MGAT4C: variants seen among roughly 807,000 people sequenced by gnomAD.
MGAT4C encodes the protein MGAT4 family member C.
MGAT4C carries 19 observed loss-of-function variants against 40.1 expected under a neutral mutation model. That is an observed-to-expected ratio of 0.47 (90% confidence interval 0.33 to 0.70). The LOEUF (loss-of-function observed/expected upper bound fraction) is 0.70, where lower values mean the gene tolerates loss of function less well. Ranked by LOEUF, MGAT4C falls within the 30% of genes least tolerant of loss-of-function variation. The pLI is 0.02. For missense variants in MGAT4C, 491 were observed against 563.2 expected, an observed-to-expected ratio of 0.87 and a Z score of 1.30; for synonymous variants, 181 against 187.1, an observed-to-expected ratio of 0.97 and a Z score of 0.27.
intron 3 of MGAT4C, among the ~76,000 whole-genome samples, chr12:86,346,825 A>G (rs1955044635): frequency 6.6e-6 from 1 of 152,198 alleles, no homozygotes; most frequent in South Asian, 2.1e-4. Flanking sequence ...GGTGGGCACC[A>G]TCCAACCGGC....
At chr12:86,726,994 C>T (rs1046413961) in intron 2 of MGAT4C, among the ~76,000 whole-genome samples, 1 of 152,052 alleles carries the variant, frequency 6.6e-6, no homozygotes, top group Non-Finnish European at 1.5e-5. Flanking sequence ...TTAACCCACC[C>T]TAAGTTAAAC....
At chr12:86,331,899 A>C (rs1191131185) in intron 4 of MGAT4C, among the ~76,000 whole-genome samples, 1 of 152,182 alleles carries the variant, frequency 6.6e-6, no homozygotes, top group African/African-American at 2.4e-5. Context: ...AAAACATAAA[A>C]AACACAAAAG....
At chr12:86,717,930 T>A (rs1326882318) in intron 2 of MGAT4C, among the ~76,000 whole-genome samples, 1 of 152,224 alleles carries the variant, frequency 6.6e-6, no homozygotes, top group Non-Finnish European at 1.5e-5. Context: ...TCTTCCAGGT[T>A]TCTTTTTCCC....
intron 2 of MGAT4C, among the ~76,000 whole-genome samples, chr12:86,490,540 A>G (rs960420520): frequency 5.9e-5 from 9 of 152,208 alleles, no homozygotes; most frequent in African/African-American, 2.2e-4. Context: ...ACCAGCTAAC[A>G]TCATAATGAC....
intron 2 of MGAT4C, among the ~76,000 whole-genome samples, chr12:86,042,563 A>T (rs1294930600): frequency 6.6e-6 from 1 of 152,114 alleles, no homozygotes; most frequent in Non-Finnish European, 1.5e-5. Flanking sequence ...TCCTTTGCTT[A>T]TGAAGATTAG....
chr12:86,359,943 T>C (rs1014997372), intron 3 of MGAT4C, among the ~76,000 whole-genome samples: 4 of 152,072 alleles, frequency 2.6e-5, no homozygotes, highest in Non-Finnish European at 5.9e-5. Context: ...CTATTCCAAT[T>C]AATAGATAAA....
intron 1 of MGAT4C, among the ~76,000 whole-genome samples, chr12:86,760,709 T>C (rs1176693984): frequency 6.6e-6 from 1 of 151,976 alleles, no homozygotes; most frequent in African/African-American, 2.4e-5. Flanking sequence ...AAAAGGGGAA[T>C]TCAATTGAAG....
chr12:86,611,496 A>AGATG (rs1555210997), intron 2 of MGAT4C, among the ~76,000 whole-genome samples: 2 of 151,836 alleles, frequency 1.3e-5, no homozygotes, highest in East Asian at 1.9e-4. Context: ...ATAGATAGAT[A>AGATG]GATACATGTT....
intron 1 of MGAT4C, among the ~76,000 whole-genome samples, chr12:86,071,902 G>A (rs981649305): frequency 6.6e-6 from 1 of 152,068 alleles, no homozygotes; most frequent in African/African-American, 2.4e-5. Context: ...CACCTTCAAT[G>A]TTTTGGTCAC....
chr12:86,429,803 T>C (rs1028422035), intron 3 of MGAT4C, among the ~76,000 whole-genome samples: 9 of 152,188 alleles, frequency 5.9e-5, no homozygotes, highest in Non-Finnish European at 8.8e-5. Context: ...TTTCTGTATC[T>C]GGTTATTGGC....
At chr12:86,705,006 G>A (rs536735942) in intron 2 of MGAT4C, among the ~76,000 whole-genome samples, 1 of 152,016 alleles carries the variant, frequency 6.6e-6, no homozygotes, top group Non-Finnish European at 1.5e-5. Context: ...AAAGGTGGAG[G>A]CATGTTATCC....
intron 2 of MGAT4C, among the ~76,000 whole-genome samples, chr12:86,501,420 T>G (rs1958338704): frequency 6.6e-6 from 1 of 152,046 alleles, no homozygotes; most frequent in Non-Finnish European, 1.5e-5. Flanking sequence ...GTGGTTGCTG[T>G]ACCTATCAAC....
intron 2 of MGAT4C, among the ~76,000 whole-genome samples, chr12:86,726,328 A>G (rs1302453468): frequency 1.3e-5 from 2 of 152,252 alleles, no homozygotes; most frequent in Non-Finnish European, 2.9e-5. Context: ...ATGGAACGTC[A>G]ATATGCAGGT....
At chr12:86,194,323 C>T (rs889837147) in intron 1 of MGAT4C, among the ~76,000 whole-genome samples, 1 of 151,942 alleles carries the variant, frequency 6.6e-6, no homozygotes, top group African/African-American at 2.4e-5. Flanking sequence ...TTTAAATCTG[C>T]TAGTTTTTGA....
chr12:86,214,339 A>C (rs1435757206), intron 1 of MGAT4C, among the ~76,000 whole-genome samples: 1 of 152,034 alleles, frequency 6.6e-6, no homozygotes, highest in Non-Finnish European at 1.5e-5. Context: ...TCTCTATCCC[A>C]TTACCCAATT....
chr12:86,744,208 A>T (rs572100474), intron 1 of MGAT4C, among the ~76,000 whole-genome samples: 19 of 151,658 alleles, frequency 1.3e-4, no homozygotes, highest in Non-Finnish European at 2.5e-4. Context: ...CCAGTTAGGG[A>T]GACAACCACG....
intron 2 of MGAT4C, among the ~76,000 whole-genome samples, chr12:86,516,139 C>G (rs1463439287): frequency 6.6e-6 from 1 of 151,782 alleles, no homozygotes; most frequent in African/African-American, 2.4e-5. Context: ...CACAAGGGAC[C>G]CAGAATATTC....
chr12:86,717,408 C>G (rs564276463), intron 2 of MGAT4C, among the ~76,000 whole-genome samples: 1 of 152,140 alleles, frequency 6.6e-6, no homozygotes, highest in East Asian at 1.9e-4. Context: ...CCCTTTGTTC[C>G]TTTTCCATGA....
chr12:86,797,300 A>G (rs1328812739), intron 1 of MGAT4C, among the ~76,000 whole-genome samples: 4 of 151,862 alleles, frequency 2.6e-5, no homozygotes, highest in Non-Finnish European at 4.4e-5. Context: ...ATGATCCTAC[A>G]ATCTCTGGAG....
Sources: allele counts gnomAD v4.1 joint callset (sites outside exome capture counted in the v4.1 genomes callset), GRCh38; gene constraint gnomAD v4.1.1; transcripts MANE v1.5; gene names NCBI Gene and HGNC (gene_info 2026-07-23, HGNC 2026-07-21).